AGMO: variants seen among roughly 807,000 people sequenced by gnomAD.
AGMO encodes alkylglycerol monooxygenase.
A neutral mutation model predicts 60.2 loss-of-function variants in AGMO; 75 were observed. The ratio of observed to expected loss-of-function variants is 1.25; its 90% confidence interval spans 1.03 to 1.51. AGMO has a LOEUF of 1.51. AGMO is among the 40% of genes most tolerant of loss of function. The pLI is 0.00. For synonymous variants in AGMO, 261 were observed against 177.1 expected (o/e 1.47, Z -3.76); for missense variants, 763 against 525.5 (o/e 1.45, Z -4.42).
chr7:15,191,370 C>G, the AGMO span, among the ~76,000 whole-genome samples: 10 of 152,088 alleles, frequency 6.6e-5, no homozygotes, highest in African/African-American at 2.4e-4. Context: ...CCCTAGGAAC[C>G]CAGGTACTTG....
At chr7:15,351,078 C>T (rs1298638731) in intron 12 of AGMO, among the ~76,000 whole-genome samples, 2 of 152,006 alleles carry the variant, frequency 1.3e-5, no homozygotes, top group South Asian at 2.1e-4. Flanking sequence ...TATCAGATGG[C>T]TAAGAAAATT....
chr7:15,192,341 A>G, the AGMO span, among the ~76,000 whole-genome samples: 1 of 151,998 alleles, frequency 6.6e-6, no homozygotes, highest in Non-Finnish European at 1.5e-5. Flanking sequence ...ACAGAGCAGC[A>G]TGGCAGAGAA....
the AGMO span, among the ~76,000 whole-genome samples, chr7:15,164,510 T>G: frequency 6.6e-6 from 1 of 151,766 alleles, no homozygotes; most frequent in South Asian, 2.1e-4. Context: ...TCAGAATCTA[T>G]AAATAACTCA....
chr7:15,548,683 C>T lies in AGMO; in HGVS notation c.258-3760G>A, dbSNP rs565135767. On this transcript the variant is annotated intron_variant, in intron 2 of 12. Coordinates refer to ENST00000342526, the MANE Select transcript of AGMO (RefSeq NM_001004320.2). ...GGACTATGTGAAAAGACCAAATCTA[C>T]GTCTGATTGGTGTGCCTGAAGGTGA... 4.5e-3 allele frequency among the ~76,000 whole-genome samples: 686 copies of T among 152,240 alleles called. 5 individuals carry two copies. The highest frequency in any genetic ancestry group is 0.016 in the African/African-American group (645 of 41,540).
At chr7:15,221,425 T>TA (rs904031175) in intron 12 of AGMO, among the ~76,000 whole-genome samples, 65 of 150,060 alleles carry the variant, frequency 4.3e-4, no homozygotes, top group African/African-American at 1.3e-3. Flanking sequence ...ATGACACGGC[T>TA]AAAAAAAAAA....
chr7:15,417,327 G>A (rs1351663397), intron 5 of AGMO, among the ~76,000 whole-genome samples: 1 of 152,160 alleles, frequency 6.6e-6, no homozygotes, highest in East Asian at 1.9e-4. Context: ...TTCATGAAAT[G>A]GAACTCAAGA....
intron 5 of AGMO, among the ~76,000 whole-genome samples, chr7:15,403,178 A>G (rs1011859264): frequency 1.3e-5 from 2 of 151,980 alleles, no homozygotes; most frequent in African/African-American, 4.8e-5. Flanking sequence ...AGCATTGTCT[A>G]ATAAGAAGCA....
At chr7:15,406,616 CACATGTGTGTAT>C (rs1427120669) in intron 5 of AGMO, among the ~76,000 whole-genome samples, 17 of 74,372 alleles carry the variant, frequency 2.3e-4, no homozygotes, top group African/African-American at 1.1e-3. Context: ...TACACATGTA[CACATGTGTGTAT>C]ATATATGAAT....
chr7:15,554,133 C>T (rs1785060365), intron 2 of AGMO, among the ~76,000 whole-genome samples: 1 of 152,124 alleles, frequency 6.6e-6, no homozygotes, highest in African/African-American at 2.4e-5. Flanking sequence ...GAAAATAGCA[C>T]CTACATTTTC....
intron 12 of AGMO, among the ~76,000 whole-genome samples, chr7:15,330,640 A>G (rs1254318877): frequency 6.6e-6 from 1 of 152,112 alleles, no homozygotes; most frequent in Non-Finnish European, 1.5e-5. Context: ...CCAACTACAC[A>G]TATTTTTTCT....
chr7:15,321,432 G>C (rs1338773502), intron 12 of AGMO, among the ~76,000 whole-genome samples: 1 of 152,104 alleles, frequency 6.6e-6, no homozygotes, highest in East Asian at 1.9e-4. Context: ...GGTGGCGAAA[G>C]TTTGTAAGTA....
chr7:15,135,159 AGTTTGTGTGTGTGT>A, the AGMO span, among the ~76,000 whole-genome samples: 8 of 125,014 alleles, frequency 6.4e-5, no homozygotes, highest in East Asian at 6.6e-4. Context: ...TATTTATATG[AGTTTGTGTGTGTGT>A]GTGTGTGTGT....
chr7:15,538,494 T>C (rs1784534857), intron 3 of AGMO, among the ~76,000 whole-genome samples: 1 of 152,136 alleles, frequency 6.6e-6, no homozygotes, highest in African/African-American at 2.4e-5. Context: ...TTGGTCTCCC[T>C]AGGCGCTGAG....
At chr7:15,413,390 A>T (rs1165975664) in intron 5 of AGMO, among the ~76,000 whole-genome samples, 2 of 152,170 alleles carry the variant, frequency 1.3e-5, no homozygotes, top group African/African-American at 4.8e-5. Context: ...AGAGGGGAGT[A>T]GAAAGAGAAA....
intron 3 of AGMO, among the ~76,000 whole-genome samples, chr7:15,539,068 G>C (rs968806310): frequency 6.6e-6 from 1 of 152,074 alleles, no homozygotes; most frequent in Non-Finnish European, 1.5e-5. Flanking sequence ...CAATGCCTCA[G>C]AATGAAATAT....
chr7:15,256,601 TTCCACCCACCTCGGCC>T (rs1783107407), intron 12 of AGMO, among the ~76,000 whole-genome samples: 1 of 152,098 alleles, frequency 6.6e-6, no homozygotes, highest in Non-Finnish European at 1.5e-5. Flanking sequence ...TGACCTCGTG[TTCCACCCACCTCGGCC>T]TCCCAAAGTG....
At chr7:15,488,137 A>T (rs1007186726) in intron 3 of AGMO, among the ~76,000 whole-genome samples, 1 of 152,232 alleles carries the variant, frequency 6.6e-6, no homozygotes, top group Non-Finnish European at 1.5e-5. Flanking sequence ...TGAAAAGTGG[A>T]ACACATTTTG....
chr7:15,507,442 C>T (rs985902373), intron 3 of AGMO, among the ~76,000 whole-genome samples: 7 of 151,992 alleles, frequency 4.6e-5, no homozygotes, highest in East Asian at 1.9e-4. Context: ...ATAGGAATTA[C>T]GTAGGACAGA....
At chr7:15,336,356 T>C (rs1383131250) in intron 12 of AGMO, among the ~76,000 whole-genome samples, 1 of 152,004 alleles carries the variant, frequency 6.6e-6, no homozygotes. Context: ...TTAAGGTTTA[T>C]TTGTTTTCTT....
Sources: gnomAD v4.1 joint callset for allele counts (sites outside exome capture counted in the v4.1 genomes callset) on GRCh38, gnomAD v4.1.1 for gene constraint, MANE v1.5 for transcripts, NCBI Gene and HGNC (gene_info 2026-07-23, HGNC 2026-07-21) for gene names.